The following RBFOX1 variants were observed in gnomAD, a reference collection of about 807,000 sequenced individuals.
RBFOX1 encodes RNA binding fox-1 homolog 1, also known as RNA binding protein fox-1 homolog 1.
A neutral mutation model predicts 57.7 loss-of-function variants in RBFOX1; 8 were observed. The ratio of observed to expected loss-of-function variants is 0.14; its 90% confidence interval spans 0.08 to 0.25. The LOEUF (loss-of-function observed/expected upper bound fraction) is 0.25. RBFOX1 is among the 10% of genes least tolerant of loss of function. RBFOX1 has a pLI of 1.00. For synonymous variants in RBFOX1, 326 were observed against 222.4 expected (o/e 1.47, Z -4.15); for missense variants, 611 against 548.5 (o/e 1.11, Z -1.14).
At chr16:6,677,517 A>C (rs1297024007) in intron 3 of RBFOX1, among the ~76,000 whole-genome samples, 2 of 152,234 alleles carry the variant, frequency 1.3e-5, no homozygotes, top group African/African-American at 4.8e-5. Context: ...AGAATTCCAT[A>C]TCAAAAACAT....
At chr16:6,347,146 T>C (rs2085506050) in intron 2 of RBFOX1, among the ~76,000 whole-genome samples, 5 of 152,194 alleles carry the variant, frequency 3.3e-5, no homozygotes, top group Admixed American at 2.6e-4. Context: ...CTGAAGAAGT[T>C]CCTGGAATGG....
In RBFOX1 at chr16:7,293,702, C is replaced by T. The variant is rs181970093; in HGVS notation, c.28-224445C>T. Among the ~76,000 whole-genome samples, 372 of 152,160 alleles carry T rather than the reference C, an allele frequency of 2.4e-3. 4 individuals are homozygous for T. Among genetic ancestry groups the T allele is most frequent in the Non-Finnish European group, 3.4e-3 (233 of 68,000 alleles). On this transcript the variant is annotated intron_variant, in intron 4 of 15. Coordinates refer to ENST00000550418, the MANE Select transcript of RBFOX1 (RefSeq NM_018723.4). The stretch of plus-strand genomic sequence containing the variant: ...TTTGCCGAGGTGAGATTTTTGAGAG[C>T]CAGGAAGGTTTTCTACCCAATACCC...
At position 7,356,070 on chromosome 16, in the gene RBFOX1, C is replaced by T. The variant is rs115354539; in HGVS notation, c.28-162077C>T. On this transcript the variant is annotated intron_variant, in intron 4 of 15. Coordinates refer to ENST00000550418, the MANE Select transcript of RBFOX1 (RefSeq NM_018723.4). Reference sequence around the variant, plus strand: ...TTCTCTCTAATGGGGCTGCATGTCTCCAATACCTGGTGCTCCAATGCATTG... The same window carrying T: ...TTCTCTCTAATGGGGCTGCATGTCTTCAATACCTGGTGCTCCAATGCATTG... 4.7e-3 allele frequency among the ~76,000 whole-genome samples: 714 copies of T among 152,328 alleles called. 7 individuals carry two copies. Among genetic ancestry groups the T allele is most frequent in the African/African-American group, 0.016 (660 of 41,578 alleles).
At chr16:7,017,650 T>C (rs2093982210) in intron 3 of RBFOX1, among the ~76,000 whole-genome samples, 1 of 152,184 alleles carries the variant, frequency 6.6e-6, no homozygotes, top group East Asian at 1.9e-4. Context: ...CTTTGTCTCA[T>C]GGCTGATACA....
chr16:5,482,086 C>T (rs1227694357), intron 2 of RBFOX1, among the ~76,000 whole-genome samples: 2 of 152,190 alleles, frequency 1.3e-5, no homozygotes, highest in African/African-American at 2.4e-5. Context: ...AAGGATCCTA[C>T]ACTAGGGACT....
At chr16:6,041,256 T>C (rs2095433395) in intron 1 of RBFOX1, among the ~76,000 whole-genome samples, 1 of 152,182 alleles carries the variant, frequency 6.6e-6, no homozygotes, top group Non-Finnish European at 1.5e-5. Context: ...CAGTATTATT[T>C]CTGCCTTATT....
At chr16:5,534,672 G>A (rs1224838080) in intron 2 of RBFOX1, among the ~76,000 whole-genome samples, 1 of 152,118 alleles carries the variant, frequency 6.6e-6, no homozygotes, top group Non-Finnish European at 1.5e-5. Context: ...CACTCACACT[G>A]AGGGTGGGTC....
At chr16:6,739,634 T>G (rs918969320) in intron 3 of RBFOX1, among the ~76,000 whole-genome samples, 1 of 152,106 alleles carries the variant, frequency 6.6e-6, no homozygotes, top group African/African-American at 2.4e-5. Context: ...CCCAGCACTT[T>G]GGGAGGCCGA....
At chr16:6,918,480 A>C (rs2073752797) in intron 3 of RBFOX1, among the ~76,000 whole-genome samples, 1 of 152,160 alleles carries the variant, frequency 6.6e-6, no homozygotes, top group Admixed American at 6.5e-5. Context: ...CAATCAAATT[A>C]ATTGTTAATT....
At chr16:6,843,521 T>A (rs962216230) in intron 3 of RBFOX1, among the ~76,000 whole-genome samples, 2 of 151,818 alleles carry the variant, frequency 1.3e-5, no homozygotes, top group Admixed American at 6.6e-5. Flanking sequence ...ACCCCGTCTG[T>A]ACTAAAAATA....
At chr16:6,568,882 C>T (rs544350363) in intron 2 of RBFOX1, among the ~76,000 whole-genome samples, 2 of 152,190 alleles carry the variant, frequency 1.3e-5, no homozygotes, top group South Asian at 2.1e-4. Context: ...GATTATCCTG[C>T]CTCAGCACTG....
chr16:5,403,593 T>C (rs1392655727), intron 1 of RBFOX1, among the ~76,000 whole-genome samples: 3 of 152,120 alleles, frequency 2.0e-5, no homozygotes, highest in Admixed American at 6.5e-5. Flanking sequence ...TACAGGTGCA[T>C]GACACCATGC....
chr16:7,012,775 G>C (rs1053819726), intron 3 of RBFOX1, among the ~76,000 whole-genome samples: 5 of 152,180 alleles, frequency 3.3e-5, no homozygotes, highest in Non-Finnish European at 5.9e-5. Context: ...TTCCTTTCAA[G>C]TTTTGACCCA....
At chr16:6,005,417 A>G (rs926466034) in intron 4 of RBFOX1, among the ~76,000 whole-genome samples, 14 of 152,230 alleles carry the variant, frequency 9.2e-5, no homozygotes, top group Admixed American at 1.3e-4. Flanking sequence ...CACATTGAGA[A>G]ATGCAACAGT....
chr16:7,449,218 C>A (rs948257032), intron 4 of RBFOX1, among the ~76,000 whole-genome samples: 1 of 152,052 alleles, frequency 6.6e-6, no homozygotes, highest in African/African-American at 2.4e-5. Flanking sequence ...CGTGAGCCAC[C>A]ATGCCCAGCC....
rs148363299 is a variant in RBFOX1 at position 7,360,517 on chromosome 16, A to G, written c.28-157630A>G. On this transcript the variant is annotated intron_variant, in intron 4 of 15. Coordinates refer to ENST00000550418, the MANE Select transcript of RBFOX1 (RefSeq NM_018723.4). ...CCATCCTAGCTACAACCTTCCTGGTATCAGAAAACCCAGGAAGGTAACGGG... is the reference window on the plus strand; with the variant it reads ...CCATCCTAGCTACAACCTTCCTGGTGTCAGAAAACCCAGGAAGGTAACGGG... Among the ~76,000 whole-genome samples, 12 of 152,302 alleles carry G rather than the reference A, an allele frequency of 7.9e-5. No individual in the cohort carries two copies. The East Asian group carries it at 2.3e-3, about 29-fold the overall frequency.
intron 1 of RBFOX1, among the ~76,000 whole-genome samples, chr16:6,047,269 C>T (rs912875472): frequency 6.6e-6 from 1 of 152,212 alleles, no homozygotes; most frequent in Admixed American, 6.5e-5. Flanking sequence ...GCCAACCCCA[C>T]ACAAATACTC....
intron 1 of RBFOX1, among the ~76,000 whole-genome samples, chr16:5,309,192 G>C (rs2064016906): frequency 6.6e-6 from 1 of 152,200 alleles, no homozygotes; most frequent in South Asian, 2.1e-4. Flanking sequence ...TTTAGGAGGA[G>C]ATAAATGGTT....
At chr16:6,936,447 C>G (rs1193751122) in intron 3 of RBFOX1, among the ~76,000 whole-genome samples, 2 of 152,224 alleles carry the variant, frequency 1.3e-5, no homozygotes, top group East Asian at 3.9e-4. Context: ...TTGTTAGTGC[C>G]TGTCCTATTA....
Sources: allele counts gnomAD v4.1 joint callset (sites outside exome capture counted in the v4.1 genomes callset), GRCh38; gene constraint gnomAD v4.1.1; transcripts MANE v1.5; gene names NCBI Gene and HGNC (gene_info 2026-07-23, HGNC 2026-07-21).